The following DAB1 variants were observed in gnomAD, a reference collection of about 807,000 sequenced individuals.
The protein encoded by DAB1 is DAB adaptor protein 1, also known as disabled homolog 1.
In DAB1, 15 loss-of-function variants were observed where a neutral mutation model predicts 64.6. The ratio of observed to expected loss-of-function variants is 0.23; its 90% CI spans 0.16 to 0.36. The LOEUF (loss-of-function observed/expected upper bound fraction) is 0.36. Among genes scored for constraint, DAB1 ranks in the 10% least tolerant of loss-of-function variants. DAB1 has a pLI of 1.00. For synonymous variants in DAB1, 235 were observed against 251.9 expected, an observed-to-expected ratio of 0.93 and a Z score of 0.64; for missense variants, 596 against 706.7, an observed-to-expected ratio of 0.84 and a Z score of 1.78.
At chr1:57,425,893 G>T (rs1685267047), upstream of DAB1, among the ~76,000 whole-genome samples, 1 of 152,142 alleles carries the variant, frequency 6.6e-6, no homozygotes, top group South Asian at 2.1e-4. Context: ...GGAAGTTCAG[G>T]CTTACCAGGC....
At chr1:58,300,641 AGAG>A (rs1557726283) in intron 4 of DAB1, among the ~76,000 whole-genome samples, 704 of 58,128 alleles carry the variant, frequency 0.012, 39 homozygotes, top group South Asian at 0.017. Context: ...AGAGAGAGAG[AGAG>A]AGAGGAAGGA....
At chr1:57,538,532 G>A (rs187971770) in intron 7 of DAB1, among the ~76,000 whole-genome samples, 21 of 152,080 alleles carry the variant, frequency 1.4e-4, no homozygotes, top group African/African-American at 4.4e-4. Context: ...TTACTCTGAA[G>A]GTTGAAGAAA....
intron 5 of DAB1, among the ~76,000 whole-genome samples, chr1:58,147,873 T>C (rs1338026043): frequency 2.7e-5 from 4 of 150,818 alleles, no homozygotes; most frequent in African/African-American, 9.7e-5. Context: ...AGATATTAAA[T>C]TAAAAAACTA....
At chr1:58,082,495 T>C (rs1650057166) in intron 5 of DAB1, among the ~76,000 whole-genome samples, 1 of 151,466 alleles carries the variant, frequency 6.6e-6, no homozygotes, top group South Asian at 2.1e-4. Flanking sequence ...AGAGATGACA[T>C]AAGTAGAAAT....
At chr1:57,869,053 T>C (rs931813023) in intron 1 of DAB1, among the ~76,000 whole-genome samples, 21 of 152,112 alleles carry the variant, frequency 1.4e-4, no homozygotes, top group Non-Finnish European at 2.8e-4. Context: ...CTCTATTTCT[T>C]TTATGATATC....
At chr1:57,957,996 T>G (rs1645431423) in intron 5 of DAB1, among the ~76,000 whole-genome samples, 1 of 152,148 alleles carries the variant, frequency 6.6e-6, no homozygotes, top group Admixed American at 6.5e-5. Flanking sequence ...ATGTGCTTTT[T>G]TTTTTTTAGG....
At chr1:57,419,095 T>C (rs934337585) in intron 1 of DAB1, among the ~76,000 whole-genome samples, 1 of 152,172 alleles carries the variant, frequency 6.6e-6, no homozygotes, top group African/African-American at 2.4e-5. Flanking sequence ...CTTTTCCTAC[T>C]GACATGCTTT....
chr1:57,478,393 G>C (rs1474791045), intron 7 of DAB1, among the ~76,000 whole-genome samples: 1 of 152,052 alleles, frequency 6.6e-6, no homozygotes, highest in Admixed American at 6.5e-5. Context: ...CTTTGTTAAT[G>C]AAATTATTCT....
chr1:57,071,748 T>A, intron 5 of DAB1, 107 bp from the exon 6 acceptor site: 1 of 1,046,112 alleles, frequency 9.6e-7, no homozygotes, highest in East Asian at 2.6e-5. Context: ...TTTCTATTAA[T>A]CTGAAAGCAT....
chr1:57,564,612 T>A (rs2805867), intron 7 of DAB1, among the ~76,000 whole-genome samples: 1 of 152,170 alleles, frequency 6.6e-6, no homozygotes, highest in African/African-American at 2.4e-5. Flanking sequence ...CTGAAAACCA[T>A]GGCACGAGAA....
intron 3 of DAB1, among the ~76,000 whole-genome samples, chr1:58,455,101 CTGAG>C (rs1189371594): frequency 1.3e-5 from 2 of 152,250 alleles, no homozygotes; most frequent in Non-Finnish European, 2.9e-5. Flanking sequence ...AGCAGCCGCT[CTGAG>C]TGAGAGCAAG....
intron 3 of DAB1, among the ~76,000 whole-genome samples, chr1:57,141,902 G>A (rs769812243): frequency 1.3e-5 from 2 of 152,074 alleles, no homozygotes; most frequent in East Asian, 1.9e-4. Context: ...GTGTCTTGTC[G>A]AACACAGGCC....
At position 58,022,156 on chromosome 1, in the gene DAB1, T is replaced by C. The variant is rs530544957; in HGVS notation, n.387+128355A>G. ...CAAAGCACCAGGTACCTTGAGAATC[T>C]GGCTGCTCTTAACTTTTCCCCAAAG... On this transcript the variant is annotated intron_variant and non_coding_transcript_variant, in intron 5 of 20. Coordinates refer to the DAB1 transcript ENST00000485760. 5.3e-5 allele frequency among the ~76,000 whole-genome samples: 8 copies of C among 152,274 alleles called. No individual in the cohort carries two copies. In the East Asian group the frequency reaches 1.5e-3, roughly 29 times the overall value.
At chr1:57,621,561 C>T (rs899939206) in intron 7 of DAB1, among the ~76,000 whole-genome samples, 17 of 151,912 alleles carry the variant, frequency 1.1e-4, no homozygotes, top group Non-Finnish European at 2.1e-4. Context: ...AGGCTGGGGA[C>T]TCTGAGGCTA....
At chr1:57,372,492 A>G (rs1054300654) in intron 1 of DAB1, among the ~76,000 whole-genome samples, 1 of 152,174 alleles carries the variant, frequency 6.6e-6, no homozygotes, top group Non-Finnish European at 1.5e-5. Flanking sequence ...AACACACATA[A>G]AGGATCTGCT....
intron 4 of DAB1, among the ~76,000 whole-genome samples, chr1:58,301,531 T>C (rs141706258): frequency 1.7e-4 from 26 of 152,242 alleles, no homozygotes; most frequent in Middle Eastern, 6.8e-3. Flanking sequence ...TTAGTGTTAG[T>C]CTATTTTATG....
chr1:57,961,308 ATATATG>A (rs1450600243), intron 5 of DAB1, among the ~76,000 whole-genome samples: 1 of 152,234 alleles, frequency 6.6e-6, no homozygotes, highest in Non-Finnish European at 1.5e-5. Context: ...AATATAGATT[ATATATG>A]TATATGTGTA....
chr1:58,379,207 C>A lies in DAB1; in HGVS notation n.258-35804G>T, dbSNP rs531262467. Among the ~76,000 whole-genome samples, 6 of 151,992 alleles carry A rather than the reference C, an allele frequency of 3.9e-5. No individual in the cohort carries two copies. In the East Asian group the frequency reaches 1.2e-3, roughly 30 times the overall value. On this transcript the variant is annotated intron_variant and non_coding_transcript_variant, in intron 3 of 20. Coordinates refer to the DAB1 transcript ENST00000485760. The stretch of plus-strand genomic sequence containing the variant: ...ATTCGGCCATCTTGGCTCCTCCCCC[C>A]CAGCTTACTATTTTCTTCCATGGCT...
At chr1:57,285,522 C>G (rs1672245505) in intron 2 of DAB1, among the ~76,000 whole-genome samples, 1 of 152,142 alleles carries the variant, frequency 6.6e-6, no homozygotes, top group East Asian at 1.9e-4. Flanking sequence ...ATCTGCCCAC[C>G]TCAGCCTCCT....
Sources: allele counts gnomAD v4.1 joint callset (sites outside exome capture counted in the v4.1 genomes callset), GRCh38; gene constraint gnomAD v4.1.1; transcripts MANE v1.5; gene names NCBI Gene and HGNC (gene_info 2026-07-23, HGNC 2026-07-21).